The following COQ8A variants were observed in gnomAD, a reference collection of about 807,000 sequenced individuals.
COQ8A encodes coenzyme Q8A.
In COQ8A, 51 loss-of-function variants were observed where a neutral mutation model predicts 65.0. That is an observed-to-expected ratio of 0.78 (90% CI 0.63 to 0.99). The LOEUF (loss-of-function observed/expected upper bound fraction) is 0.99, where lower values mean the gene tolerates loss of function less well. Among genes scored for constraint, COQ8A ranks in the 50% least tolerant of loss-of-function variants. The pLI is 0.00. For missense variants in COQ8A, 940 were observed against 875.0 expected (o/e 1.07, Z -0.94); for synonymous variants, 371 against 353.2 (o/e 1.05, Z -0.57).
At position 226,946,806 on chromosome 1, in the gene COQ8A, G is replaced by A. The variant is rs1657070224; in HGVS notation, c.-10+6407G>A. Among the ~76,000 whole-genome samples, 1 of 152,256 alleles carries A rather than the reference G, an allele frequency of 6.6e-6. No homozygotes were observed. The highest frequency in any genetic ancestry group is 1.5e-5 in the Non-Finnish European group (1 of 68,046). Reference sequence around the variant, plus strand: ...CCTGTGTGTGGCATTTGGAGGTGATGCTAATAAAGGTTGGTGCTGGTGTTG... The same window carrying A: ...CCTGTGTGTGGCATTTGGAGGTGATACTAATAAAGGTTGGTGCTGGTGTTG... On this transcript the variant is annotated intron_variant, in intron 1 of 14. Transcript: ENST00000366777. This position sits in a 1 kb window ranked among gnomAD's most constrained non-coding sequence, Gnocchi z 5.3.
At position 226,960,564 on chromosome 1, in the gene COQ8A, TTGG is replaced by T. The variant is rs767494324; in HGVS notation, c.-9-798_-9-796del. Among the ~76,000 whole-genome samples the T allele has an allele frequency of 3.8e-3, 534 of 140,362 alleles. 8 individuals carry two copies. The highest frequency in any genetic ancestry group is 0.013 in the African/African-American group (469 of 36,556). The allele number at this position is 140,362 out of a possible 152,430, so 92.1% of individuals were successfully genotyped here. ...TACTTGGTGGTGGTGTCAATGGTAC[TTGG>T]TGGTGGTGGTGGTGCTTGGTGGTGG... On this transcript the variant is annotated intron_variant, in intron 1 of 14. Transcript: ENST00000366777.
Position 226,984,165 on chromosome 1 carries a change from T to C in COQ8A, c.1328T>C (p.Leu443Pro), listed in dbSNP as rs1558208407. Residue 443 changes from leucine (L) to proline (P), a missense_variant, in exon 11 of 15, where the codon CTG (leucine) becomes CCG (proline). Transcript: ENST00000366777. ...GATGAGCTCTGCAGCCCACATGTGC[T>C]GACCACAGAGCTGGTGTCTGGCTTC... ...IVDELCSPHVLTTELVSGFPL... is the reference protein window; with the variant it reads ...IVDELCSPHVPTTELVSGFPL... The C allele has an allele frequency of 1.9e-6, 3 of 1,613,754 alleles. No homozygotes were observed. The highest frequency in any genetic ancestry group is 2.5e-6 in the Non-Finnish European group (3 of 1,180,002).
At chr1:226,970,823 C>G (rs188025770) in intron 4 of COQ8A, among the ~76,000 whole-genome samples, 25 of 152,204 alleles carry the variant, frequency 1.6e-4, no homozygotes, top group Admixed American at 1.1e-3. Flanking sequence ...TTTTGTGTTT[C>G]TTTCTTCCTG....
Position 226,949,240 on chromosome 1 carries a change from C to A in COQ8A, c.-10+8841C>A, listed in dbSNP as rs1238892345. On this transcript the variant is annotated intron_variant, in intron 1 of 14. Transcript: ENST00000366777. The surrounding 1 kb of genome is among the most constrained non-coding windows in gnomAD (Gnocchi z 4.0). ...GGGGGCCTGATTTCGATGCCTGGGA[C>A]TTCAGGCGCAGGAGTTTGGGTTTTA... 5.3e-5 allele frequency among the ~76,000 whole-genome samples: 8 copies of A among 151,928 alleles called. No individual in the cohort carries two copies. In the East Asian group the frequency reaches 1.5e-3, roughly 29 times the overall value.
intron 8 of COQ8A, 28 bp downstream of exon 8, chr1:226,983,062 C>T: frequency 1.9e-6 from 3 of 1,567,272 alleles, no homozygotes; most frequent in Middle Eastern, 2.2e-4. Context: ...CAGTGCCTGT[C>T]CCTATGGGGG....
chr1:226,948,315 C>A (rs1030011817), intron 1 of COQ8A, among the ~76,000 whole-genome samples: 1 of 152,216 alleles, frequency 6.6e-6, no homozygotes, highest in African/African-American at 2.4e-5. Context: ...TGTCTCCCAT[C>A]ACCTCGTTCT....
chr1:226,962,650 G>A (rs528651938), intron 2 of COQ8A, among the ~76,000 whole-genome samples: 6 of 152,324 alleles, frequency 3.9e-5, no homozygotes, highest in East Asian at 1.9e-4. Context: ...CTGTGAGGCC[G>A]TCGCAGCCCC....
rs368447270 is a variant in COQ8A at position 226,986,760 on chromosome 1, G to A, written c.*23G>A. ...TAGGGCTGCGGGCCACGCCCAGGCC[G>A]GCTCCGCGGGAACTCTCTCCCTCAG... On this transcript the variant is annotated 3_prime_UTR_variant, in exon 15 of 15. Coordinates refer to ENST00000366777, the MANE Select transcript of COQ8A (RefSeq NM_020247.5). The A allele has an allele frequency of 6.7e-5, 107 of 1,606,832 alleles. 1 individual carries two copies. The African/African-American group carries it at 1.1e-3, about 16-fold the overall frequency.
At chr1:226,941,605 GAA>G (rs776040499) in intron 1 of COQ8A, among the ~76,000 whole-genome samples, 1 of 143,460 alleles carries the variant, frequency 7.0e-6, no homozygotes, top group Non-Finnish European at 1.5e-5. Context: ...CGTCTCTACC[GAA>G]AAAAAAAAAA....
intron 1 of COQ8A, among the ~76,000 whole-genome samples, chr1:226,960,477 A>ACTTG (rs1658160439): frequency 2.1e-4 from 2 of 9,588 alleles, no homozygotes; most frequent in African/African-American, 6.8e-4. Context: ...TGGTGGTGGC[A>ACTTG]GTGGTACTTG....
At chr1:226,954,215 C>A (rs528988645) in intron 1 of COQ8A, among the ~76,000 whole-genome samples, 2 of 152,324 alleles carry the variant, frequency 1.3e-5, no homozygotes, top group South Asian at 2.1e-4. Context: ...CTTTTGATTT[C>A]CTTTTTCTGT....
At chr1:226,981,894 A>T in intron 5 of COQ8A, 133 bp from the exon 6 acceptor site, 1 of 1,340,700 alleles carries the variant, frequency 7.5e-7, no homozygotes, top group South Asian at 1.3e-5. Context: ...AACAGTAGTT[A>T]GTTATGTTGC....
chr1:226,981,915 G>C lies in COQ8A; in HGVS notation c.731-112G>C, dbSNP rs148004247. On this transcript the variant is annotated intron_variant, in intron 5 of 14. Coordinates refer to ENST00000366777, the MANE Select transcript of COQ8A (RefSeq NM_020247.5). Reference sequence around the variant, plus strand: ...AGTTAGTTATGTTGCTGGTTTTATGGACGCCTGGGAGGAAGGACATTGTCT... The same window carrying C: ...AGTTAGTTATGTTGCTGGTTTTATGCACGCCTGGGAGGAAGGACATTGTCT... 3 of 1,517,662 alleles carry C rather than the reference G, an allele frequency of 2.0e-6. No individual in the cohort carries two copies. In the South Asian group the frequency reaches 3.4e-5, roughly 17 times the overall value. 94.0% of individuals were successfully genotyped at this position (1,517,662 alleles called of 1,614,324 possible). A position where few individuals can be genotyped will look rare whatever the true frequency, so the allele number is the denominator to read the frequency against.
At chr1:226,953,669 C>G (rs1053755890) in intron 1 of COQ8A, among the ~76,000 whole-genome samples, 1 of 152,170 alleles carries the variant, frequency 6.6e-6, no homozygotes, top group African/African-American at 2.4e-5. Flanking sequence ...TTCCCTCTTT[C>G]TCATCTCCTG....
At chr1:226,960,424 GTGGTGGTACT>G (rs1202115940) in intron 1 of COQ8A, among the ~76,000 whole-genome samples, 9 of 150,986 alleles carry the variant, frequency 6.0e-5, no homozygotes, top group African/African-American at 2.0e-4. Context: ...GTGGTACTTG[GTGGTGGTACT>G]TGGTGGTACT....
intron 14 of COQ8A, 56 bp downstream of exon 14, chr1:226,985,396 G>C (rs1660037726): frequency 1.9e-6 from 3 of 1,586,936 alleles, no homozygotes; most frequent in East Asian, 2.2e-5. Context: ...CCGGCTCCCT[G>C]TGTAAGAATG....
At chr1:226,961,065 A>G (rs1458835693) in intron 1 of COQ8A, among the ~76,000 whole-genome samples, 6 of 152,094 alleles carry the variant, frequency 3.9e-5, no homozygotes, top group Non-Finnish European at 5.9e-5. Flanking sequence ...ATCATGAATC[A>G]CGCCACCTGT....
intron 2 of COQ8A, among the ~76,000 whole-genome samples, chr1:226,962,261 C>G: frequency 6.6e-6 from 1 of 152,222 alleles, no homozygotes; most frequent in Non-Finnish European, 1.5e-5. Flanking sequence ...CTTCCAAGAA[C>G]AGCTTCATCT....
chr1:226,970,643 G>A (rs1658846778), intron 4 of COQ8A, among the ~76,000 whole-genome samples: 1 of 152,136 alleles, frequency 6.6e-6, no homozygotes, highest in African/African-American at 2.4e-5. Context: ...TGAGATTACA[G>A]CACGCATCTT....
Sources: allele counts gnomAD v4.1 joint callset (sites outside exome capture counted in the v4.1 genomes callset), GRCh38; gene constraint gnomAD v4.1.1; non-coding constraint Gnocchi (gnomAD v3.1); transcripts MANE v1.5; gene names NCBI Gene and HGNC (gene_info 2026-07-23, HGNC 2026-07-21).